Variants in KCNH8 observed in about 807,000 individuals in gnomAD.
KCNH8 encodes voltage-gated delayed rectifier potassium channel KCNH8.
In KCNH8, 70 loss-of-function variants were observed where a neutral mutation model predicts 103.6. That is an observed-to-expected ratio of 0.68 (90% CI 0.56 to 0.82). The LOEUF is 0.82. KCNH8 is among the 40% of genes least tolerant of loss of function. The probability of loss-of-function intolerance (pLI) is 0.00; values close to 1 mark genes in which losing one functional copy is unlikely to be tolerated. For missense variants in KCNH8, 1,217 were observed against 1,329.9 expected, an observed-to-expected ratio of 0.92 and a Z score of 1.32; for synonymous variants, 498 against 489.4, an observed-to-expected ratio of 1.02 and a Z score of -0.23.
rs2068818574 is a variant in KCNH8, at chr3:19,513,285, T to C, written c.2395T>C (p.Ser799Pro). The C allele has an allele frequency of 6.2e-7, 1 of 1,612,030 alleles. No individual in the cohort carries two copies. The highest frequency in any genetic ancestry group is 1.1e-5 in the South Asian group (1 of 90,886). The change falls in exon 13 of 16, where the codon TCA becomes CCA. Residue 799 changes from serine to proline, a missense_variant. Physicochemically the swap from Ser to Pro is moderately conservative, Grantham distance 74. Around this residue, in one of 3 missense-constraint regions of KCNH8, gnomAD observed 558 missense variants for 495.8 expected, o/e 1.13. Coordinates refer to ENST00000328405, the MANE Select transcript of KCNH8 (RefSeq NM_144633.3). ...RKEKNLKLQL[S>P]TLNNAGPPDL... ...AGAGAAGAACTTGAAATTGCAACTT[T>C]CAACTTTGAATAATGCTGGACCCCC...
chr3:19,372,387 G>T (rs1340955010), intron 5 of KCNH8, among the ~76,000 whole-genome samples: 5 of 150,330 alleles, frequency 3.3e-5, no homozygotes, highest in Admixed American at 6.6e-5. Context: ...GTGAATGGGA[G>T]TTCACTCATG....
chr3:19,455,946 T>G (rs986827577), intron 10 of KCNH8, among the ~76,000 whole-genome samples: 3 of 152,090 alleles, frequency 2.0e-5, no homozygotes, highest in Non-Finnish European at 4.4e-5. Context: ...TTTGCTGTAT[T>G]CAAAACATTT....
At chr3:19,270,026 T>A (rs960132128) in intron 2 of KCNH8, among the ~76,000 whole-genome samples, 2 of 152,170 alleles carry the variant, frequency 1.3e-5, no homozygotes, top group African/African-American at 4.8e-5. Context: ...TATATAGTCT[T>A]CTTAAATCTC....
intron 15 of KCNH8, among the ~76,000 whole-genome samples, chr3:19,522,275 C>G (rs2125248685): frequency 6.6e-6 from 1 of 151,948 alleles, no homozygotes; most frequent in Non-Finnish European, 1.5e-5. Context: ...ACCAGGAGAT[C>G]TGATGGTGTA....
At chr3:19,184,926 T>A (rs1486921336) in intron 1 of KCNH8, among the ~76,000 whole-genome samples, 1 of 151,988 alleles carries the variant, frequency 6.6e-6, no homozygotes, top group South Asian at 2.1e-4. Flanking sequence ...CATTTTGAAG[T>A]TCTTCCATGT....
chr3:19,157,075 G>A (rs1413646611), intron 1 of KCNH8, among the ~76,000 whole-genome samples: 1 of 149,320 alleles, frequency 6.7e-6, no homozygotes, highest in African/African-American at 2.5e-5. Flanking sequence ...TCCAGTTATT[G>A]AACTAAAGGG....
chr3:19,517,983 T>G lies in KCNH8; in HGVS notation c.2543-15T>G, dbSNP rs753612976. The G allele has an allele frequency of 6.2e-7, 1 of 1,606,490 alleles. No homozygotes were observed. Among genetic ancestry groups the G allele is most frequent in the Admixed American group, 1.7e-5 (1 of 59,786 alleles). The stretch of plus-strand genomic sequence containing the variant: ...ATTCCTAAAGGACTCATTCTGTATG[T>G]GTGTCACTTTTCAGATCCAGAGATT... On this transcript the variant is annotated splice_polypyrimidine_tract_variant and intron_variant, in intron 14 of 15. Coordinates refer to ENST00000328405, the MANE Select transcript of KCNH8 (RefSeq NM_144633.3).
intron 1 of KCNH8, among the ~76,000 whole-genome samples, chr3:19,180,020 T>C (rs1172821739): frequency 6.6e-6 from 1 of 152,166 alleles, no homozygotes; most frequent in Non-Finnish European, 1.5e-5. Flanking sequence ...GAGAAGCTTT[T>C]GTACCAAGAA....
rs533573552 is a variant in KCNH8 at position 19,392,228 on chromosome 3, T to C, written c.969+1590T>C. On this transcript the variant is annotated intron_variant, in intron 6 of 15. Transcript: ENST00000328405. The stretch of plus-strand genomic sequence containing the variant: ...ATGAATTTTAAATATTTATATACTT[T>C]CACTACACTCCTGCTCTCTTTTCGT... Among the ~76,000 whole-genome samples the C allele has an allele frequency of 2.9e-4, 43 of 150,322 alleles. No homozygotes were observed. The East Asian group carries it at 8.2e-3, about 29-fold the overall frequency.
At chr3:19,227,439 C>CT (rs1316145872) in intron 1 of KCNH8, among the ~76,000 whole-genome samples, 3 of 152,142 alleles carry the variant, frequency 2.0e-5, no homozygotes, top group Non-Finnish European at 4.4e-5. Context: ...GATTGAAGAT[C>CT]AACATATACA....
chr3:19,379,194 T>C (rs368373172), intron 5 of KCNH8, among the ~76,000 whole-genome samples: 2 of 152,218 alleles, frequency 1.3e-5, no homozygotes, highest in African/African-American at 4.8e-5. Context: ...AAAAGCCTCA[T>C]TACAGTTTAA....
intron 1 of KCNH8, among the ~76,000 whole-genome samples, chr3:19,182,523 T>A (rs1010169192): frequency 3.3e-5 from 5 of 152,234 alleles, no homozygotes; most frequent in African/African-American, 9.6e-5. Context: ...AGAGCGAGAC[T>A]CCGTCCCCCC....
At chr3:19,529,187 A>G (rs934936541) in intron 15 of KCNH8, among the ~76,000 whole-genome samples, 1 of 152,130 alleles carries the variant, frequency 6.6e-6, no homozygotes, top group Non-Finnish European at 1.5e-5. Flanking sequence ...GCTCAAAAAG[A>G]TTGTATTTTC....
chr3:19,407,966 AC>A (rs1446157845), intron 7 of KCNH8, among the ~76,000 whole-genome samples: 1 of 151,980 alleles, frequency 6.6e-6, no homozygotes, highest in East Asian at 1.9e-4. Context: ...CCATCAGGGA[AC>A]CTGCTGGCAG....
intron 1 of KCNH8, among the ~76,000 whole-genome samples, chr3:19,252,191 C>T (rs540632372): frequency 3.3e-5 from 5 of 152,174 alleles, no homozygotes; most frequent in African/African-American, 1.2e-4. Context: ...TTCTCTCTGT[C>T]GACATTATAT....
intron 8 of KCNH8, among the ~76,000 whole-genome samples, chr3:19,449,366 C>A (rs2067410481): frequency 6.7e-6 from 1 of 150,112 alleles, no homozygotes; most frequent in Non-Finnish European, 1.5e-5. Context: ...AAGCAGAATA[C>A]CTCTTTTTCT....
intron 1 of KCNH8, among the ~76,000 whole-genome samples, chr3:19,175,182 A>T (rs1443195023): frequency 6.6e-6 from 1 of 151,820 alleles, no homozygotes; most frequent in Non-Finnish European, 1.5e-5. Flanking sequence ...TTCTCTAAGA[A>T]GTTGTTGACT....
intron 3 of KCNH8, among the ~76,000 whole-genome samples, chr3:19,312,798 T>C (rs2065223004): frequency 6.6e-6 from 1 of 151,974 alleles, no homozygotes; most frequent in Non-Finnish European, 1.5e-5. Context: ...ACTGTGGAAA[T>C]CACTGGGTTA....
intron 5 of KCNH8, among the ~76,000 whole-genome samples, chr3:19,383,651 G>T (rs537907067): frequency 6.6e-6 from 1 of 152,266 alleles, no homozygotes; most frequent in Non-Finnish European, 1.5e-5. Context: ...GGGATTACAG[G>T]TGTGAGCCAA....
Sources: allele counts gnomAD v4.1 joint callset (sites outside exome capture counted in the v4.1 genomes callset), GRCh38; gene constraint gnomAD v4.1.1; regional missense constraint gnomAD v4.1.1; transcripts MANE v1.5; gene names NCBI Gene and HGNC (gene_info 2026-07-23, HGNC 2026-07-21).